The following ALK variants were observed in gnomAD, a reference collection of about 807,000 sequenced individuals.
ALK encodes ALK tyrosine kinase receptor.
Under a neutral mutation model 163.1 loss-of-function variants are expected in ALK, and 74 were observed. That is an observed-to-expected ratio of 0.45 (90% CI 0.38 to 0.55). The LOEUF is 0.55. Ranked by LOEUF, ALK falls within the 20% of genes least tolerant of loss-of-function variation. The pLI, the probability that ALK is intolerant of heterozygous loss-of-function variation, is 0.00. For missense variants in ALK, 2,063 were observed against 2,105.3 expected, an observed-to-expected ratio of 0.98 and a Z score of 0.39; for synonymous variants, 960 against 843.2, an observed-to-expected ratio of 1.14 and a Z score of -2.40.
chr2:29,253,886 A>AGAT (rs1553399518), intron 11 of ALK, among the ~76,000 whole-genome samples: 1 of 142,300 alleles, frequency 7.0e-6, no homozygotes, highest in East Asian at 1.9e-4. Flanking sequence ...ATAGATAGAT[A>AGAT]GATAGATAGG....
chr2:29,628,217 C>T (rs907534690), intron 3 of ALK, among the ~76,000 whole-genome samples: 2 of 152,010 alleles, frequency 1.3e-5, no homozygotes, highest in Admixed American at 6.6e-5. Flanking sequence ...ACCATTTAGG[C>T]CTTTTATGAT....
chr2:29,889,225 AG>A (rs1470649508), intron 1 of ALK, among the ~76,000 whole-genome samples: 1 of 150,554 alleles, frequency 6.6e-6, no homozygotes, highest in African/African-American at 2.4e-5. Flanking sequence ...GTTTCTCTGC[AG>A]TGGAAAGAAA....
At chr2:29,341,563 A>G (rs925527107) in intron 5 of ALK, among the ~76,000 whole-genome samples, 2 of 152,206 alleles carry the variant, frequency 1.3e-5, no homozygotes, top group Non-Finnish European at 2.9e-5. Context: ...TTGAGTCTGC[A>G]GTGAGCTATG....
intron 4 of ALK, among the ~76,000 whole-genome samples, chr2:29,447,703 C>T (rs557559308): frequency 1.2e-4 from 19 of 152,130 alleles, no homozygotes; most frequent in African/African-American, 3.4e-4. Flanking sequence ...CTCAGATGGC[C>T]GCTTCACACC....
intron 3 of ALK, among the ~76,000 whole-genome samples, chr2:29,664,400 AC>A (rs1047074348): frequency 9.9e-5 from 15 of 152,056 alleles, no homozygotes; most frequent in African/African-American, 3.4e-4. Flanking sequence ...ACCAAAACAG[AC>A]CTCAGACTCA....
chr2:29,712,287 G>A (rs974849825), intron 2 of ALK, among the ~76,000 whole-genome samples: 1 of 152,178 alleles, frequency 6.6e-6, no homozygotes, highest in African/African-American at 2.4e-5. Context: ...TATCAAGCTT[G>A]TAGATGAAAA....
intron 2 of ALK, among the ~76,000 whole-genome samples, chr2:29,705,788 C>A (rs1310728312): frequency 6.6e-6 from 1 of 152,208 alleles, no homozygotes; most frequent in Non-Finnish European, 1.5e-5. Context: ...GAGTGCCCTG[C>A]ATGGTGACTT....
chr2:29,242,234 G>A (rs1319527548), intron 12 of ALK, among the ~76,000 whole-genome samples: 1 of 152,108 alleles, frequency 6.6e-6, no homozygotes, highest in Non-Finnish European at 1.5e-5. Flanking sequence ...CTGAGTCCTG[G>A]TCAGGCTGCA....
chr2:29,730,085 G>T lies in ALK; in HGVS notation c.668-12388C>A, dbSNP rs1378927223. On this transcript the variant is annotated intron_variant, in intron 1 of 28. Transcript: ENST00000389048. ...GCTTGCACCCTGGCACACAGATGCT[G>T]AAATTATGGCAACTCGGGATCCCCT... 3.9e-5 allele frequency among the ~76,000 whole-genome samples: 6 copies of T among 152,352 alleles called. No homozygotes were observed. In the South Asian group the frequency reaches 1.2e-3, roughly 32 times the overall value.
intron 3 of ALK, among the ~76,000 whole-genome samples, chr2:29,534,949 TC>T (rs1673214213): frequency 6.6e-6 from 1 of 152,212 alleles, no homozygotes; most frequent in Admixed American, 6.5e-5. Context: ...ATTTTCACTC[TC>T]AATGGAACTC....
chr2:29,532,184 A>G, intron 3 of ALK, 68 bp from the exon 4 acceptor site: 1 of 1,437,262 alleles, frequency 7.0e-7, no homozygotes, highest in Non-Finnish European at 9.7e-7. Context: ...CTCTGTGGCA[A>G]GACTTAGAGA....
chr2:29,484,427 A>G (rs1034726498), intron 4 of ALK, among the ~76,000 whole-genome samples: 3 of 152,150 alleles, frequency 2.0e-5, no homozygotes, highest in African/African-American at 7.2e-5. Flanking sequence ...TTTAGGACTT[A>G]TGGTATTAAA....
intron 9 of ALK, among the ~76,000 whole-genome samples, chr2:29,280,698 G>A (rs1221616534): frequency 1.5e-4 from 23 of 150,596 alleles, no homozygotes; most frequent in African/African-American, 5.7e-4. Context: ...TGTACCAGGT[G>A]GTCCATTCTG....
chr2:29,469,123 G>A (rs1358558842), intron 4 of ALK, among the ~76,000 whole-genome samples: 1 of 152,176 alleles, frequency 6.6e-6, no homozygotes, highest in African/African-American at 2.4e-5. Flanking sequence ...AGAGGGTAAA[G>A]ATCATACTAT....
intron 5 of ALK, among the ~76,000 whole-genome samples, chr2:29,369,308 T>TTG (rs3054016): frequency 0.016 from 2,371 of 145,294 alleles, 37 homozygotes; most frequent in African/African-American, 0.039. Flanking sequence ...ACGTGCATAT[T>TTG]TGTGTGTGTG....
chr2:29,431,059 C>T (rs1280379651), intron 4 of ALK, among the ~76,000 whole-genome samples: 4 of 151,160 alleles, frequency 2.6e-5, no homozygotes, highest in Admixed American at 1.3e-4. Context: ...AACATAATCA[C>T]TTCCACCAAA....
chr2:29,821,227 A>C (rs1572406560), intron 1 of ALK, among the ~76,000 whole-genome samples: 1 of 152,022 alleles, frequency 6.6e-6, no homozygotes. Context: ...CTCCCCACCA[A>C]CCACCCATCT....
At chr2:29,647,109 T>A (rs1676898649) in intron 3 of ALK, among the ~76,000 whole-genome samples, 1 of 152,204 alleles carries the variant, frequency 6.6e-6, no homozygotes, top group Non-Finnish European at 1.5e-5. Context: ...CAGTTTCACA[T>A]TCTTCTGGGC....
At chr2:29,431,017 G>C (rs1236777814) in intron 4 of ALK, among the ~76,000 whole-genome samples, 2 of 144,792 alleles carry the variant, frequency 1.4e-5, no homozygotes, top group South Asian at 2.2e-4. Context: ...TTTTTCTTCT[G>C]TATCTCAGGG....
Sources: gnomAD v4.1 joint callset for allele counts (sites outside exome capture counted in the v4.1 genomes callset) on GRCh38, gnomAD v4.1.1 for gene constraint, MANE v1.5 for transcripts, NCBI Gene and HGNC (gene_info 2026-07-23, HGNC 2026-07-21) for gene names.